ADAMTS18: variants seen among roughly 807,000 people sequenced by gnomAD.
The protein encoded by ADAMTS18 is A disintegrin and metalloproteinase with thrombospondin motifs 18.
A neutral mutation model predicts 165.9 loss-of-function variants in ADAMTS18; 157 were observed. The ratio of observed to expected loss-of-function variants is 0.95; its 90% CI spans 0.83 to 1.08. The LOEUF is 1.08. Among genes scored for constraint, ADAMTS18 ranks in the 50% least tolerant of loss-of-function variants. ADAMTS18 has a pLI of 0.00. For synonymous variants in ADAMTS18, 782 were observed against 578.2 expected (o/e 1.35, Z -5.06); for missense variants, 2,040 against 1,534.0 (o/e 1.33, Z -5.51).
intron 12 of ADAMTS18, among the ~76,000 whole-genome samples, chr16:77,330,018 T>C (rs1465052458): frequency 3.3e-5 from 5 of 152,168 alleles, no homozygotes; most frequent in African/African-American, 1.2e-4. Flanking sequence ...TATATACATA[T>C]ACAGATTCCT....
At chr16:77,402,035 G>A (rs1488538124) in intron 3 of ADAMTS18, among the ~76,000 whole-genome samples, 1 of 152,090 alleles carries the variant, frequency 6.6e-6, no homozygotes, top group Non-Finnish European at 1.5e-5. Context: ...TTTGCAGACA[G>A]CATATTGTGG....
At chr16:77,336,597 G>C (rs1393854055) in intron 11 of ADAMTS18, among the ~76,000 whole-genome samples, 3 of 152,162 alleles carry the variant, frequency 2.0e-5, no homozygotes, top group Non-Finnish European at 4.4e-5. Context: ...CTCTTGCAGT[G>C]TCTTTGATGA....
At chr16:77,361,646 G>A (rs543379471) in intron 7 of ADAMTS18, among the ~76,000 whole-genome samples, 2 of 152,206 alleles carry the variant, frequency 1.3e-5, no homozygotes, top group South Asian at 2.1e-4. Context: ...GACTTTGGGA[G>A]ACCAAGGCGG....
chr16:77,395,228 G>C (rs2057241146), intron 3 of ADAMTS18, among the ~76,000 whole-genome samples: 1 of 152,276 alleles, frequency 6.6e-6, no homozygotes, highest in African/African-American at 2.4e-5. Context: ...ACCTGAGATG[G>C]GGTTGGAAGG....
intron 3 of ADAMTS18, among the ~76,000 whole-genome samples, chr16:77,380,829 T>G (rs1480316003): frequency 6.6e-6 from 1 of 152,152 alleles, no homozygotes. Flanking sequence ...GAATTTCAAC[T>G]GACTCTCACT....
chr16:77,332,268 C>T (rs2056201547), intron 12 of ADAMTS18, among the ~76,000 whole-genome samples: 1 of 152,156 alleles, frequency 6.6e-6, no homozygotes, highest in African/African-American at 2.4e-5. Context: ...GTTTCCATCA[C>T]ATTCTTCTCA....
At chr16:77,413,969 C>G (rs921496864) in intron 3 of ADAMTS18, among the ~76,000 whole-genome samples, 2 of 152,160 alleles carry the variant, frequency 1.3e-5, no homozygotes, top group Middle Eastern at 3.4e-3. Flanking sequence ...TCAGTTTTTG[C>G]CATCAGAATT....
chr16:77,288,835 G>A (rs909405103), intron 22 of ADAMTS18, among the ~76,000 whole-genome samples: 13 of 152,138 alleles, frequency 8.5e-5, no homozygotes, highest in African/African-American at 3.1e-4. Flanking sequence ...AGGATAGGCT[G>A]GGCATGTGGC....
At chr16:77,307,716 G>C (rs2055706531) in intron 16 of ADAMTS18, among the ~76,000 whole-genome samples, 1 of 152,110 alleles carries the variant, frequency 6.6e-6, no homozygotes, top group Admixed American at 6.5e-5. Context: ...TTACTTCTCT[G>C]CTTCTTTTGT....
At chr16:77,374,747 G>A (rs889944509) in intron 3 of ADAMTS18, among the ~76,000 whole-genome samples, 6 of 152,196 alleles carry the variant, frequency 3.9e-5, no homozygotes, top group African/African-American at 7.2e-5. Context: ...CTTCCACACT[G>A]AGAAAGCAAT....
At chr16:77,410,698 G>C (rs1359646672) in intron 3 of ADAMTS18, among the ~76,000 whole-genome samples, 3 of 152,106 alleles carry the variant, frequency 2.0e-5, no homozygotes, top group South Asian at 2.1e-4. Context: ...TCCCTGCTGA[G>C]AAACCGATGG....
chr16:77,416,486 TAGTG>T (rs1048546596), intron 3 of ADAMTS18, among the ~76,000 whole-genome samples: 19 of 152,280 alleles, frequency 1.2e-4, no homozygotes, highest in African/African-American at 3.9e-4. Context: ...GTTCTCATGG[TAGTG>T]AGTAAGACTC....
intron 3 of ADAMTS18, among the ~76,000 whole-genome samples, 156 bp downstream of exon 3, chr16:77,431,139 C>G (rs1366545): frequency 0.48 from 72,567 of 151,980 alleles, 18,362 homozygotes; most frequent in Non-Finnish European, 0.58. Context: ...TCTGGGAGCA[C>G]ATTAGATTAA....
chr16:77,412,309 A>T (rs1048292292), intron 3 of ADAMTS18, among the ~76,000 whole-genome samples: 6 of 152,144 alleles, frequency 3.9e-5, no homozygotes, highest in African/African-American at 1.4e-4. Flanking sequence ...CGCATGAGTC[A>T]AATAATATTA....
chr16:77,284,844 G>T (rs2055217544), intron 22 of ADAMTS18, among the ~76,000 whole-genome samples: 1 of 152,028 alleles, frequency 6.6e-6, no homozygotes, highest in African/African-American at 2.4e-5. Context: ...GTGTGCTGCT[G>T]GTCCACGAAC....
chr16:77,378,238 T>C lies in ADAMTS18; in HGVS notation c.496-10515A>G, dbSNP rs151317474. On this transcript the variant is annotated intron_variant, in intron 3 of 22. Transcript: ENST00000282849. ...TACTCAGGAGATTGAGGTAGGAGAA[T>C]TGCATTAACCTAAGAGGTTGAGGCT... 4.3e-4 allele frequency among the ~76,000 whole-genome samples: 65 copies of C among 152,116 alleles called. 1 individual carries two copies. The highest frequency in any genetic ancestry group is 1.4e-3 in the African/African-American group (60 of 41,512).
chr16:77,351,939 G>T (rs958845348), intron 10 of ADAMTS18, among the ~76,000 whole-genome samples: 2 of 152,104 alleles, frequency 1.3e-5, no homozygotes, highest in East Asian at 3.9e-4. Flanking sequence ...TAACTTTGTT[G>T]CCCAGGTTGT....
chr16:77,328,842 G>C (rs1455073170), intron 12 of ADAMTS18, among the ~76,000 whole-genome samples: 3 of 152,200 alleles, frequency 2.0e-5, no homozygotes, highest in Non-Finnish European at 1.5e-5. Context: ...AATTCATACA[G>C]CCATTGTCCT....
intron 3 of ADAMTS18, among the ~76,000 whole-genome samples, chr16:77,411,014 A>C (rs1227641753): frequency 6.6e-6 from 1 of 152,186 alleles, no homozygotes; most frequent in African/African-American, 2.4e-5. Context: ...ATTCCAACTG[A>C]AACCCTCATT....
Sources: allele counts gnomAD v4.1 joint callset (sites outside exome capture counted in the v4.1 genomes callset), GRCh38; gene constraint gnomAD v4.1.1; transcripts MANE v1.5; gene names NCBI Gene and HGNC (gene_info 2026-07-23, HGNC 2026-07-21).